NMBR: variants seen among roughly 807,000 people sequenced by gnomAD.
The protein encoded by NMBR is neuromedin-B receptor.
A neutral mutation model predicts 20.5 loss-of-function variants in NMBR; 16 were observed. That is an observed-to-expected ratio of 0.78 (90% CI 0.53 to 1.19). The LOEUF (loss-of-function observed/expected upper bound fraction) is 1.19, where lower values mean the gene tolerates loss of function less well. Among genes scored for constraint, NMBR ranks in the 50% most tolerant of loss-of-function variants. NMBR has a pLI of 0.00. For synonymous variants in NMBR, 212 were observed against 196.6 expected (o/e 1.08, Z -0.65); for missense variants, 582 against 499.1 (o/e 1.17, Z -1.58).
At chr6:142,143,301 T>C (rs1049561033) in intron 1 of NMBR, among the ~76,000 whole-genome samples, 3 of 152,386 alleles carry the variant, frequency 2.0e-5, no homozygotes, top group Non-Finnish European at 4.4e-5. Flanking sequence ...TTTTTATTTT[T>C]TGAGACGGAG....
chr6:142,109,323 A>G (rs1163666951), intron 1 of NMBR, among the ~76,000 whole-genome samples: 1 of 152,172 alleles, frequency 6.6e-6, no homozygotes, highest in East Asian at 1.9e-4. Flanking sequence ...GAGCACCTGC[A>G]AAAGTCACTG....
At chr6:142,122,659 G>T (rs1340627032) in intron 1 of NMBR, among the ~76,000 whole-genome samples, 1 of 151,890 alleles carries the variant, frequency 6.6e-6, no homozygotes, top group Non-Finnish European at 1.5e-5. Context: ...GTAACTTAAA[G>T]TTGGAGCTAA....
chr6:142,093,947 T>C (rs1300640634), intron 1 of NMBR, among the ~76,000 whole-genome samples: 1 of 149,576 alleles, frequency 6.7e-6, no homozygotes, highest in South Asian at 2.1e-4. Flanking sequence ...TGCATAAATG[T>C]GTTCTTTTGA....
rs145484530 is a variant in NMBR, at chr6:142,091,336, C to T, written c.-663-2015G>A. 3.1e-3 allele frequency among the ~76,000 whole-genome samples: 469 copies of T among 152,238 alleles called. 2 individuals carry two copies. Among genetic ancestry groups the T allele is most frequent in the African/African-American group, 0.011 (446 of 41,556 alleles). ...CTCCTTCATTCAAACAATTCTCCTGCCTCACCTTCCCCATGTAGCTGGGAC... is the reference window on the plus strand; with the variant it reads ...CTCCTTCATTCAAACAATTCTCCTGTCTCACCTTCCCCATGTAGCTGGGAC... On this transcript the variant is annotated intron_variant, in intron 1 of 3. Coordinates refer to ENST00000258042, the MANE Select transcript of NMBR (RefSeq NM_002511.4).
At chr6:142,129,186 A>G (rs1405727179) in intron 1 of NMBR, among the ~76,000 whole-genome samples, 1 of 151,940 alleles carries the variant, frequency 6.6e-6, no homozygotes. Flanking sequence ...ATGTCTACCA[A>G]AAGATTATAC....
chr6:142,135,059 G>T, intron 1 of NMBR: 1 of 408,778 alleles, frequency 2.4e-6, no homozygotes, highest in Admixed American at 4.1e-5. Flanking sequence ...ATAGTGCCTG[G>T]TTGTAAGGTA....
At chr6:142,133,492 G>A (rs1778184178) in intron 1 of NMBR, among the ~76,000 whole-genome samples, 1 of 152,132 alleles carries the variant, frequency 6.6e-6, no homozygotes, top group South Asian at 2.1e-4. Flanking sequence ...ATAGTGTACG[G>A]ACTGAGCTTA....
chr6:142,103,056 G>C (rs565699331), intron 1 of NMBR, among the ~76,000 whole-genome samples: 1 of 152,292 alleles, frequency 6.6e-6, no homozygotes, highest in South Asian at 2.1e-4. Context: ...AGTTCCAAGA[G>C]TGCAGGGGGC....
chr6:142,084,213 T>G (rs942410062), intron 2 of NMBR, among the ~76,000 whole-genome samples: 1 of 152,232 alleles, frequency 6.6e-6, no homozygotes, highest in African/African-American at 2.4e-5. Flanking sequence ...TTTCAGTATC[T>G]TAACAAATAA....
chr6:142,139,379 G>A (rs988969114), intron 1 of NMBR, among the ~76,000 whole-genome samples: 14 of 152,164 alleles, frequency 9.2e-5, no homozygotes, highest in African/African-American at 3.4e-4. Context: ...ACTATTCTCA[G>A]TCTTGTGTGA....
intron 1 of NMBR, among the ~76,000 whole-genome samples, chr6:142,126,261 C>CTCTCTCTCTGTGTGTGTG (rs763551613): frequency 6.7e-6 from 1 of 149,170 alleles, no homozygotes; most frequent in African/African-American, 2.5e-5. Context: ...CTCTCTCTCT[C>CTCTCTCTCTGTGTGTGTG]TGTGTGTGTG....
chr6:142,117,225 T>C (rs1777871280), intron 1 of NMBR, among the ~76,000 whole-genome samples: 1 of 151,954 alleles, frequency 6.6e-6, no homozygotes, highest in Admixed American at 6.6e-5. Flanking sequence ...AGAAAATATG[T>C]GATGGATTTA....
intron 1 of NMBR, among the ~76,000 whole-genome samples, chr6:142,119,917 A>C (rs1582855881): frequency 6.6e-6 from 1 of 152,000 alleles, no homozygotes; most frequent in African/African-American, 2.4e-5. Context: ...GTATAAAGTC[A>C]TATGTACTAT....
At chr6:142,141,603 C>G in intron 1 of NMBR, among the ~76,000 whole-genome samples, 1 of 150,588 alleles carries the variant, frequency 6.6e-6, no homozygotes, top group East Asian at 2.0e-4. Context: ...ATCCTGGGTT[C>G]AAGCGATTCT....
chr6:142,133,928 G>C (rs986905946), intron 1 of NMBR: 8 of 702,442 alleles, frequency 1.1e-5, no homozygotes, highest in South Asian at 7.4e-5. Flanking sequence ...CGGGGTGCTA[G>C]GCTTTGCAGT....
chr6:142,088,882 G>A lies in NMBR; in HGVS notation c.-224C>T, dbSNP rs1056333058. 2.2e-6 allele frequency: 1 copy of A among 464,560 alleles called. No individual in the cohort carries two copies. The highest frequency in any genetic ancestry group is 3.2e-5 in the East Asian group (1 of 31,698). The allele number at this position is 464,560 out of a possible 1,614,324, so 28.8% of individuals were successfully genotyped here. On this transcript the variant is annotated 5_prime_UTR_variant, in exon 2 of 4. Transcript: ENST00000258042. ...GCTTCTAGAGGGGGGAAATGGCTCC[G>A]GCTAACTCTGAATTTAAATTAAAAA...
At position 142,088,245 on chromosome 6, in the gene NMBR, G is replaced by A. The variant is rs768819168; in HGVS notation, c.414C>T (p.Ser138=). Residue 138 remains serine (S), a synonymous_variant, in exon 2 of 4, where the codon AGC becomes AGT. Coordinates refer to ENST00000258042, the MANE Select transcript of NMBR (RefSeq NM_002511.4). ...GVSVFTLTAL[S]ADRYRAIVNP... ...GCTACCTGTGCTCTTACCTGTCGGC[G>A]CTGAGGGCAGTGAGAGTGAACACGG... is the stretch of plus-strand genomic sequence containing the variant. 6.8e-6 allele frequency: 11 copies of A among 1,610,892 alleles called. No individual in the cohort carries two copies. Among genetic ancestry groups the A allele is most frequent in the Non-Finnish European group, 8.5e-6 (10 of 1,179,782 alleles).
chr6:142,088,007 TTG>T (rs1363238113), intron 2 of NMBR, among the ~76,000 whole-genome samples: 9 of 152,182 alleles, frequency 5.9e-5, no homozygotes, highest in African/African-American at 2.2e-4. Flanking sequence ...GCAATTTTAA[TTG>T]TTTTTTTTAA....
At chr6:142,092,004 A>C (rs951802797) in intron 1 of NMBR, among the ~76,000 whole-genome samples, 22 of 152,138 alleles carry the variant, frequency 1.4e-4, no homozygotes, top group East Asian at 1.9e-4. Flanking sequence ...ATTATGAAAA[A>C]ATATAAAATA....
Sources: gnomAD v4.1 joint callset for allele counts (sites outside exome capture counted in the v4.1 genomes callset) on GRCh38, gnomAD v4.1.1 for gene constraint, MANE v1.5 for transcripts, NCBI Gene and HGNC (gene_info 2026-07-23, HGNC 2026-07-21) for gene names.